DNAH7: variants seen among roughly 807,000 people sequenced by gnomAD.
DNAH7 encodes axonemal beta dynein heavy chain 7.
In DNAH7, 397 loss-of-function variants were observed where a neutral mutation model predicts 444.6. The ratio of observed to expected loss-of-function variants is 0.89; its 90% CI spans 0.82 to 0.97. The LOEUF is 0.97. Ranked by LOEUF, DNAH7 falls within the 50% of genes least tolerant of loss-of-function variation. DNAH7 has a pLI of 0.00. For synonymous variants in DNAH7, 1,636 were observed against 1,624.4 expected (o/e 1.01, Z -0.17); for missense variants, 4,902 against 4,800.8 (o/e 1.02, Z -0.62).
intron 54 of DNAH7, among the ~76,000 whole-genome samples, chr2:195,801,319 T>C (rs1003240029): frequency 2.0e-5 from 3 of 152,070 alleles, no homozygotes; most frequent in Non-Finnish European, 4.4e-5. Context: ...TGCACAAAAT[T>C]GTCATAAATA....
At chr2:195,865,933 C>T (rs1373311210) in intron 40 of DNAH7, among the ~76,000 whole-genome samples, 1 of 152,050 alleles carries the variant, frequency 6.6e-6, no homozygotes, top group East Asian at 1.9e-4. Context: ...AGAGGAAGGG[C>T]CATGTGAGGA....
At chr2:196,026,294 T>G (rs1041596584) in intron 7 of DNAH7, among the ~76,000 whole-genome samples, 1 of 152,230 alleles carries the variant, frequency 6.6e-6, no homozygotes, top group Non-Finnish European at 1.5e-5. Flanking sequence ...AACAATTTTG[T>G]ATTAATCACA....
intron 10 of DNAH7, among the ~76,000 whole-genome samples, chr2:196,002,214 A>G (rs1189515549): frequency 6.6e-6 from 1 of 152,248 alleles, no homozygotes; most frequent in Non-Finnish European, 1.5e-5. Context: ...TATATTTGTT[A>G]GTTTAAAGTT....
chr2:195,853,349 A>G lies in DNAH7; in HGVS notation c.8775T>C (p.Tyr2925=). 6.2e-7 allele frequency: 1 copy of G among 1,613,838 alleles called. No homozygotes were observed. Among genetic ancestry groups the G allele is most frequent in the Non-Finnish European group, 8.5e-7 (1 of 1,179,874 alleles). ...VAYLGAFTST[Y]RQNQTKEWTT... is the part of the protein sequence containing the mutation. ...ATGGAATAGTGTCCCTTACCTGTCT[A>G]TAGGTGGATGTGAAGGCTCCGAGGT... is the stretch of plus-strand genomic sequence containing the variant. The change falls in exon 46 of 65, where the codon TAT becomes TAC. Residue 2925 remains tyrosine (Y), a synonymous_variant. Transcript: ENST00000312428.
intron 2 of DNAH7, among the ~76,000 whole-genome samples, chr2:196,053,612 G>T (rs1697623457): frequency 6.6e-6 from 1 of 152,148 alleles, no homozygotes; most frequent in Non-Finnish European, 1.5e-5. Flanking sequence ...CATGGGCCTG[G>T]ATTTACAGAA....
chr2:196,033,197 T>G (rs369041763), intron 5 of DNAH7, among the ~76,000 whole-genome samples: 1 of 152,206 alleles, frequency 6.6e-6, no homozygotes, highest in Non-Finnish European at 1.5e-5. Flanking sequence ...TGATGATTTA[T>G]AGTTGTATAT....
At chr2:195,909,174 T>A (rs1687211824) in intron 25 of DNAH7, among the ~76,000 whole-genome samples, 1 of 152,080 alleles carries the variant, frequency 6.6e-6, no homozygotes, top group African/African-American at 2.4e-5. Flanking sequence ...GTACACCAGA[T>A]AAACTCTCGC....
At chr2:196,004,962 CAAA>C (rs60564090) in intron 10 of DNAH7, among the ~76,000 whole-genome samples, 11,086 of 63,242 alleles carry the variant, frequency 0.18, 977 homozygotes, top group African/African-American at 0.36. Flanking sequence ...GGCCTTGTGT[CAAA>C]AAAAAAAAAA....
In DNAH7 at chr2:196,043,217, C is replaced by T. The variant is rs144670676; in HGVS notation, c.398+4135G>A. Among the ~76,000 whole-genome samples the T allele has an allele frequency of 2.0e-5, 3 of 151,892 alleles. No homozygotes were observed. The East Asian group carries it at 5.8e-4, about 29-fold the overall frequency. On this transcript the variant is annotated intron_variant, in intron 5 of 64. Transcript: ENST00000312428. ...CAATTTAGAGGCATGTGAATTATCT[C>T]TCAAAGCTTTTTTTAAAAAAAGGGA...
At chr2:195,919,095 C>CA (rs1194574230) in intron 24 of DNAH7, among the ~76,000 whole-genome samples, 1 of 151,768 alleles carries the variant, frequency 6.6e-6, no homozygotes, top group East Asian at 2.0e-4. Context: ...CTAAAAAATA[C>CA]AAAAAATAGC....
chr2:195,912,226 A>G (rs1323363021), intron 24 of DNAH7, among the ~76,000 whole-genome samples: 2 of 152,236 alleles, frequency 1.3e-5, no homozygotes, highest in East Asian at 1.9e-4. Context: ...CCCTCTCCCA[A>G]GCTAACAGAG....
At chr2:195,944,043 T>A (rs1272955204) in intron 19 of DNAH7, among the ~76,000 whole-genome samples, 1 of 152,168 alleles carries the variant, frequency 6.6e-6, no homozygotes, top group Non-Finnish European at 1.5e-5. Flanking sequence ...AAGTCCTTGA[T>A]TATGCAGCAT....
At chr2:195,852,303 G>A (rs1267451321) in intron 46 of DNAH7, among the ~76,000 whole-genome samples, 5 of 151,804 alleles carry the variant, frequency 3.3e-5, no homozygotes, top group Non-Finnish European at 7.4e-5. Context: ...ACCACCAAGA[G>A]TCAACCCTCC....
intron 63 of DNAH7, among the ~76,000 whole-genome samples, chr2:195,746,689 A>C (rs1693429501): frequency 6.6e-6 from 1 of 152,234 alleles, no homozygotes; most frequent in Admixed American, 6.5e-5. Context: ...AGGATTAAGA[A>C]ACTCACTCAA....
At chr2:195,870,590 C>A (rs1223220880) in intron 40 of DNAH7, among the ~76,000 whole-genome samples, 1 of 152,116 alleles carries the variant, frequency 6.6e-6, no homozygotes, top group African/African-American at 2.4e-5. Flanking sequence ...AAATCCTCAC[C>A]CCCAAGGTGA....
intron 53 of DNAH7, among the ~76,000 whole-genome samples, chr2:195,808,312 C>G (rs1019309494): frequency 6.6e-6 from 1 of 152,158 alleles, no homozygotes; most frequent in African/African-American, 2.4e-5. Context: ...GACACACACA[C>G]AGAATTTTAT....
intron 40 of DNAH7, 117 bp from the exon 41 acceptor site, chr2:195,865,138 T>G: frequency 1.0e-6 from 1 of 955,486 alleles, no homozygotes; most frequent in East Asian, 2.6e-5. Flanking sequence ...CAGGTTTTAT[T>G]AAAAGTATAT....
At chr2:195,820,993 G>C (rs1697442335) in intron 49 of DNAH7, among the ~76,000 whole-genome samples, 1 of 152,128 alleles carries the variant, frequency 6.6e-6, no homozygotes, top group East Asian at 1.9e-4. Context: ...GATGTTGTCT[G>C]CATGCAGAAT....
chr2:195,878,526 G>A (rs1018058435), intron 36 of DNAH7, among the ~76,000 whole-genome samples: 1 of 152,106 alleles, frequency 6.6e-6, no homozygotes, highest in African/African-American at 2.4e-5. Context: ...CTTGAGCCCA[G>A]GAGGTCAAGG....
Sources: allele counts gnomAD v4.1 joint callset (sites outside exome capture counted in the v4.1 genomes callset), GRCh38; gene constraint gnomAD v4.1.1; transcripts MANE v1.5; gene names NCBI Gene and HGNC (gene_info 2026-07-23, HGNC 2026-07-21).